Variants in GABRB2 observed in about 807,000 individuals in gnomAD.
GABRB2 encodes gamma-aminobutyric acid receptor subunit beta-2.
Under a neutral mutation model 54.7 loss-of-function variants are expected in GABRB2, and 16 were observed. The observed-to-expected ratio is 0.29, with a 90% CI of 0.20 to 0.44. The LOEUF is 0.44. Among genes scored for constraint, GABRB2 ranks in the 20% least tolerant of loss-of-function variants. GABRB2 has a pLI of 1.00. For synonymous variants in GABRB2, 244 were observed against 233.8 expected (o/e 1.04, Z -0.40); for missense variants, 355 against 644.0 (o/e 0.55, Z 4.86).
At chr5:161,363,092 G>A (rs900609898) in intron 5 of GABRB2, among the ~76,000 whole-genome samples, 9 of 152,040 alleles carry the variant, frequency 5.9e-5, no homozygotes, top group East Asian at 3.9e-4. Flanking sequence ...TGTTAATTGC[G>A]GCACTGTTCA....
intron 5 of GABRB2, among the ~76,000 whole-genome samples, chr5:161,408,496 T>A (rs1195369492): frequency 6.6e-6 from 1 of 152,078 alleles, no homozygotes; most frequent in East Asian, 1.9e-4. Flanking sequence ...AACAAATACA[T>A]TCCTGAGTGA....
rs1757202602 is a variant in GABRB2 at position 161,290,349 on chromosome 5, T to C, written c.*3732A>G. On this transcript the variant is annotated 3_prime_UTR_variant, in exon 10 of 10. Transcript: ENST00000393959. ...CAATGGACAATGTTATTTGTTTCCT[T>C]GAAAAAGAGAGCAATTAGACAAGCA... 1 of 152,492 alleles carries C rather than the reference T, an allele frequency of 6.6e-6. No homozygotes were observed. Among genetic ancestry groups the C allele is most frequent in the Non-Finnish European group, 1.5e-5 (1 of 67,982 alleles). 9.4% of individuals were successfully genotyped at this position (152,492 alleles called of 1,614,324 possible). A position where few individuals can be genotyped will look rare whatever the true frequency, so the allele number is the denominator to read the frequency against.
intron 5 of GABRB2, among the ~76,000 whole-genome samples, chr5:161,361,274 T>C (rs1754802125): frequency 6.6e-6 from 1 of 152,032 alleles, no homozygotes; most frequent in African/African-American, 2.4e-5. Flanking sequence ...TGTTAAGAAA[T>C]TATTTTATTA....
intron 3 of GABRB2, among the ~76,000 whole-genome samples, chr5:161,496,889 G>C (rs1191471100): frequency 6.6e-6 from 1 of 152,138 alleles, no homozygotes; most frequent in East Asian, 1.9e-4. Context: ...TCCAAGAATA[G>C]TTTAATCATA....
chr5:161,305,612 T>A (rs1757667736), intron 9 of GABRB2, among the ~76,000 whole-genome samples: 1 of 152,256 alleles, frequency 6.6e-6, no homozygotes, highest in Non-Finnish European at 1.5e-5. Flanking sequence ...AGATAACTGA[T>A]CTAATCTTTT....
intron 3 of GABRB2, among the ~76,000 whole-genome samples, chr5:161,468,877 T>A (rs1313231438): frequency 6.6e-6 from 1 of 151,936 alleles, no homozygotes; most frequent in Non-Finnish European, 1.5e-5. Context: ...TTCATCAATA[T>A]AAAATTGTGT....
Position 161,441,051 on chromosome 5 carries a change from G to C in GABRB2, c.458+18573C>G, listed in dbSNP as rs189020247. Among the ~76,000 whole-genome samples, 1,130 of 152,246 alleles carry C rather than the reference G, an allele frequency of 7.4e-3. 14 individuals carry two copies. Among genetic ancestry groups the C allele is most frequent in the Middle Eastern group, 0.031 (9 of 294 alleles). ...GGGAAAATCTCCAAGACATTGGTCT[G>C]GGCAAAGATTTCGTGAGCAGTACCT... On this transcript the variant is annotated intron_variant, in intron 4 of 9. Coordinates refer to ENST00000393959, the MANE Select transcript of GABRB2 (RefSeq NM_001371727.1).
At chr5:161,477,296 AAAAAAAG>A in intron 3 of GABRB2, among the ~76,000 whole-genome samples, 1 of 151,672 alleles carries the variant, frequency 6.6e-6, no homozygotes, top group African/African-American at 2.4e-5. Context: ...AAAAAAAAAA[AAAAAAAG>A]AACAGTAAGT....
At chr5:161,387,406 C>T (rs1308723663) in intron 5 of GABRB2, among the ~76,000 whole-genome samples, 3 of 152,164 alleles carry the variant, frequency 2.0e-5, no homozygotes, top group African/African-American at 7.2e-5. Flanking sequence ...ATCCTCTAGT[C>T]TTCTCTGCTG....
intron 3 of GABRB2, 86 bp downstream of exon 3, chr5:161,545,141 C>A: frequency 3.0e-6 from 3 of 984,884 alleles, no homozygotes; most frequent in Non-Finnish European, 3.1e-6. Flanking sequence ...GCCAAGCACA[C>A]CCCCACCCCC....
intron 5 of GABRB2, among the ~76,000 whole-genome samples, chr5:161,375,463 T>G (rs926664631): frequency 1.3e-5 from 2 of 152,190 alleles, no homozygotes; most frequent in African/African-American, 4.8e-5. Context: ...GTCTCTGCAT[T>G]TCCTACTTCT....
At position 161,331,130 on chromosome 5, in the gene GABRB2, GA is replaced by G. The variant is rs777633076; in HGVS notation, c.833-4del. 15 of 1,529,172 alleles carry G rather than the reference GA, an allele frequency of 9.8e-6. No homozygotes were observed. The highest frequency in any genetic ancestry group is 2.1e-5 in the Admixed American group (1 of 46,802). The allele number at this position is 1,529,172 out of a possible 1,614,324, so 94.7% of individuals were successfully genotyped here. A position where few individuals can be genotyped will look rare whatever the true frequency, so the allele number is the denominator to read the frequency against. ...CATTGTGAGGACAGTTGTGATTCCT[GA>G]AAAAAAATGGGAGAGTTAGAGTAAT... On this transcript the variant is annotated splice_region_variant and splice_polypyrimidine_tract_variant and intron_variant, in intron 7 of 9. Coordinates refer to ENST00000393959, the MANE Select transcript of GABRB2 (RefSeq NM_001371727.1).
chr5:161,464,301 CA>C (rs1462975851), intron 3 of GABRB2, among the ~76,000 whole-genome samples: 11 of 151,938 alleles, frequency 7.2e-5, no homozygotes, highest in African/African-American at 2.4e-4. Context: ...GACACTTAAC[CA>C]AAGATACAAA....
chr5:161,437,538 C>G (rs974514107), intron 4 of GABRB2, among the ~76,000 whole-genome samples: 4 of 152,072 alleles, frequency 2.6e-5, no homozygotes, highest in African/African-American at 9.7e-5. Context: ...TCCTTTGAAT[C>G]TTGCTGGCGT....
At chr5:161,382,746 C>T (rs1389298065) in intron 5 of GABRB2, among the ~76,000 whole-genome samples, 1 of 152,178 alleles carries the variant, frequency 6.6e-6, no homozygotes, top group Non-Finnish European at 1.5e-5. Context: ...ATTGGAATGG[C>T]AGCATATGGC....
intron 5 of GABRB2, among the ~76,000 whole-genome samples, chr5:161,386,225 T>C (rs1278151111): frequency 6.6e-6 from 1 of 152,138 alleles, no homozygotes; most frequent in Non-Finnish European, 1.5e-5. Flanking sequence ...ACATGATTTC[T>C]CCCATAAAAT....
intron 3 of GABRB2, among the ~76,000 whole-genome samples, chr5:161,507,625 A>C (rs1416551189): frequency 6.6e-6 from 1 of 152,052 alleles, no homozygotes; most frequent in African/African-American, 2.4e-5. Context: ...CTATACCCAC[A>C]ATGTATACAC....
intron 9 of GABRB2, among the ~76,000 whole-genome samples, chr5:161,307,908 G>A (rs1311762705): frequency 1.3e-5 from 2 of 150,806 alleles, no homozygotes; most frequent in Non-Finnish European, 2.9e-5. Context: ...GCCCAGGCTG[G>A]AGTGCAGTGG....
At chr5:161,498,303 C>A (rs1282790920) in intron 3 of GABRB2, among the ~76,000 whole-genome samples, 1 of 151,850 alleles carries the variant, frequency 6.6e-6, no homozygotes, top group East Asian at 1.9e-4. Context: ...TTTGATGAAC[C>A]ACCACTCTTT....
Sources: gnomAD v4.1 joint callset for allele counts (sites outside exome capture counted in the v4.1 genomes callset) on GRCh38, gnomAD v4.1.1 for gene constraint, MANE v1.5 for transcripts, NCBI Gene and HGNC (gene_info 2026-07-23, HGNC 2026-07-21) for gene names.